The following NAT10 variants were observed in gnomAD, a reference collection of about 807,000 sequenced individuals.
The protein encoded by NAT10 is N-acetyltransferase 10.
NAT10 carries 109 observed loss-of-function variants against 132.2 expected under a neutral mutation model. That is an observed-to-expected ratio of 0.82 (90% CI 0.71 to 0.97). The LOEUF (loss-of-function observed/expected upper bound fraction) is 0.97, where lower values mean the gene tolerates loss of function less well. Among genes scored for constraint, NAT10 ranks in the 50% least tolerant of loss-of-function variants. The probability of loss-of-function intolerance (pLI) is 0.00; values close to 1 mark genes in which losing one functional copy is unlikely to be tolerated. For missense variants in NAT10, 1,184 were observed against 1,263.4 expected (o/e 0.94, Z 0.95); for synonymous variants, 479 against 478.0 (o/e 1.00, Z -0.03).
At chr11:34,130,597 G>C (rs572570026) in intron 12 of NAT10, among the ~76,000 whole-genome samples, 1 of 152,208 alleles carries the variant, frequency 6.6e-6, no homozygotes, top group South Asian at 2.1e-4. Context: ...GAGCCAGGAC[G>C]TGAGCCCAGG....
At chr11:34,111,008 A>G in intron 3 of NAT10, among the ~76,000 whole-genome samples, 1 of 152,210 alleles carries the variant, frequency 6.6e-6, no homozygotes, top group East Asian at 1.9e-4. Context: ...GATTGAGAAT[A>G]AGGCCTGTTG....
At chr11:34,132,062 A>G (rs1285286409) in intron 14 of NAT10, 63 bp from the exon 15 acceptor site, 1 of 1,236,420 alleles carries the variant, frequency 8.1e-7, no homozygotes, top group Non-Finnish European at 1.2e-6. Context: ...TTCTGCCTCC[A>G]GAGAGTAGTA....
Position 34,141,837 on chromosome 11 carries a change from C to T in NAT10, c.2811+20C>T, listed in dbSNP as rs1193860814. ...GACCTAGTATGTCCCTGCTCATGGC[C>T]TCGGGAGTCCCAGCATTTCCATCAG... On this transcript the variant is annotated intron_variant, in intron 26 of 28. Transcript: ENST00000257829. The T allele has an allele frequency of 6.3e-7, 1 of 1,596,710 alleles. No individual in the cohort carries two copies. Among genetic ancestry groups the T allele is most frequent in the South Asian group, 1.1e-5 (1 of 90,540 alleles).
intron 12 of NAT10, among the ~76,000 whole-genome samples, chr11:34,129,944 T>G (rs572607125): frequency 2.6e-5 from 4 of 152,088 alleles, no homozygotes; most frequent in African/African-American, 9.7e-5. Context: ...ACGACAAAAG[T>G]TTTGAAGTTT....
At chr11:34,128,879 T>G (rs1200848082) in intron 12 of NAT10, among the ~76,000 whole-genome samples, 1 of 152,188 alleles carries the variant, frequency 6.6e-6, no homozygotes, top group African/African-American at 2.4e-5. Context: ...TAATCTACTT[T>G]CTGTACCCAT....
chr11:34,117,771 G>T (rs1261021713), intron 6 of NAT10, among the ~76,000 whole-genome samples: 2 of 151,956 alleles, frequency 1.3e-5, no homozygotes, highest in African/African-American at 2.4e-5. Context: ...GACAAAAGAT[G>T]AATTCATTTG....
chr11:34,109,526 C>T (rs570669736), intron 3 of NAT10, among the ~76,000 whole-genome samples: 15 of 152,286 alleles, frequency 9.8e-5, no homozygotes, highest in African/African-American at 2.9e-4. Context: ...ATGCCTAATG[C>T]GTCAACTTTT....
rs1437125148 is a variant in NAT10 at position 34,143,611 on chromosome 11, G to A, written c.2969+83G>A. On this transcript the variant is annotated intron_variant, in intron 28 of 28. Coordinates refer to ENST00000257829, the MANE Select transcript of NAT10 (RefSeq NM_024662.3). ...TCTCTTTAACTTTGACTAGAAAATAGGAGGTTGGAGCAAAAGCTTTGACAG... is the reference window on the plus strand; with the variant it reads ...TCTCTTTAACTTTGACTAGAAAATAAGAGGTTGGAGCAAAAGCTTTGACAG... 6.2e-6 allele frequency: 8 copies of A among 1,291,002 alleles called. 1 individual carries two copies. Among genetic ancestry groups the A allele is most frequent in the South Asian group, 5.4e-5 (4 of 74,424 alleles). 80.0% of individuals were successfully genotyped at this position (1,291,002 alleles called of 1,614,324 possible). A position where few individuals can be genotyped will look rare whatever the true frequency, so the allele number is the denominator to read the frequency against.
chr11:34,116,617 CAG>C (rs1851788248), intron 6 of NAT10, among the ~76,000 whole-genome samples: 1 of 150,776 alleles, frequency 6.6e-6, no homozygotes, highest in Admixed American at 6.6e-5. Context: ...TTTTTTGAGA[CAG>C]AGTCTCGCTC....
intron 8 of NAT10, among the ~76,000 whole-genome samples, chr11:34,119,277 T>A (rs780361316): frequency 2.0e-5 from 3 of 152,214 alleles, no homozygotes; most frequent in Non-Finnish European, 2.9e-5. Context: ...AACTGTCAGG[T>A]GTGTTCAGGG....
Position 34,118,238 on chromosome 11 carries a change from A to T in NAT10, c.616A>T (p.Ile206Phe). The change falls in exon 7 of 29, where the codon ATC (isoleucine) becomes TTC (phenylalanine). Residue 206 changes from isoleucine (I) to phenylalanine (F), a missense_variant. Coordinates refer to ENST00000257829, the MANE Select transcript of NAT10 (RefSeq NM_024662.3). ...TCTCGTCATTGATGACCAGCTCAAC[A>T]TCCTGCCCATCTCCTCCCACGTTGC... ...KCLVIDDQLN[I>F]LPISSHVATM... The T allele has an allele frequency of 6.2e-7, 1 of 1,614,134 alleles. No homozygotes were observed. The highest frequency in any genetic ancestry group is 8.5e-7 in the Non-Finnish European group (1 of 1,180,020).
intron 8 of NAT10, among the ~76,000 whole-genome samples, chr11:34,120,311 TA>T (rs1851870343): frequency 6.6e-6 from 1 of 152,162 alleles, no homozygotes; most frequent in Admixed American, 6.5e-5. Context: ...ATAACTTCTA[TA>T]ATATAAAACA....
rs778707493 is a variant in NAT10 at position 34,131,485 on chromosome 11, A to G, written c.1474A>G (p.Ile492Val). ...NDLLCLDCLNITRIVSGCPLP... is the reference protein window; with the variant it reads ...NDLLCLDCLNVTRIVSGCPLP... ...CTTGCTGTGCCTGGATTGCCTCAAC[A>G]TCACTCGGATAGTCTCAGGCTGCCC... Residue 492 changes from isoleucine to valine, a missense_variant, in exon 14 of 29, where the codon ATC becomes GTC. Physicochemically the swap from Ile to Val is conservative, Grantham distance 29. Transcript: ENST00000257829. The G allele has an allele frequency of 3.1e-6, 5 of 1,613,902 alleles. No homozygotes were observed. The African/African-American group carries it at 5.3e-5, about 17-fold the overall frequency.
chr11:34,137,429 T>C (rs767782992), intron 21 of NAT10, among the ~76,000 whole-genome samples: 8 of 151,934 alleles, frequency 5.3e-5, no homozygotes, highest in Non-Finnish European at 8.8e-5. Context: ...TGGGAGTTCT[T>C]TTTTGATGTT....
intron 16 of NAT10, among the ~76,000 whole-genome samples, chr11:34,134,057 G>A (rs1324389550): frequency 6.6e-6 from 1 of 151,906 alleles, no homozygotes; most frequent in Admixed American, 6.6e-5. Flanking sequence ...CCAGCTACTC[G>A]GGAGGCTGAG....
At chr11:34,142,575 C>G (rs1010024774) in intron 27 of NAT10, among the ~76,000 whole-genome samples, 1 of 152,210 alleles carries the variant, frequency 6.6e-6, no homozygotes, top group Non-Finnish European at 1.5e-5. Context: ...ACATTGCACT[C>G]TCTGATCCCC....
Position 34,112,104 on chromosome 11 carries a change from C to T in NAT10, c.253C>T (p.Leu85=), listed in dbSNP as rs1851705736. The change falls in exon 4 of 29, where the codon CTG becomes TTG. Residue 85 remains leucine, a synonymous_variant. Transcript: ENST00000257829. ...GCAGAAGAAAATAAAGAATGGAACACTGAACATAAAGCAGGACGACCCCTT... is the reference window on the plus strand; with the variant it reads ...GCAGAAGAAAATAAAGAATGGAACATTGAACATAAAGCAGGACGACCCCTT... ...QLQKKIKNGT[L]NIKQDDPFEL... 9.9e-6 allele frequency: 16 copies of T among 1,614,210 alleles called. No homozygotes were observed. The East Asian group carries it at 3.3e-4, about 34-fold the overall frequency.
chr11:34,131,283 A>G lies in NAT10; in HGVS notation c.1370-98A>G, dbSNP rs1852100184. On this transcript the variant is annotated intron_variant, in intron 13 of 28. Transcript: ENST00000257829. ...TTCTTACCACACGTCTCTGGCCACCATGGGACAAATATAAAGTGAAACATT... is the reference window on the plus strand; with the variant it reads ...TTCTTACCACACGTCTCTGGCCACCGTGGGACAAATATAAAGTGAAACATT... The G allele has an allele frequency of 2.0e-6, 3 of 1,471,846 alleles. No homozygotes were observed. In the Admixed American group the frequency reaches 6.9e-5, roughly 34 times the overall value. 91.2% of individuals were successfully genotyped at this position (1,471,846 alleles called of 1,614,324 possible).
At chr11:34,137,777 A>G (rs1565118221) in intron 21 of NAT10, among the ~76,000 whole-genome samples, 1 of 152,254 alleles carries the variant, frequency 6.6e-6, no homozygotes, top group Non-Finnish European at 1.5e-5. Context: ...AGCACATACA[A>G]GACTGAGAAG....
Sources: allele counts gnomAD v4.1 joint callset (sites outside exome capture counted in the v4.1 genomes callset), GRCh38; gene constraint gnomAD v4.1.1; transcripts MANE v1.5; gene names NCBI Gene and HGNC (gene_info 2026-07-23, HGNC 2026-07-21).